TTC27: variants seen among roughly 807,000 people sequenced by gnomAD.
TTC27 encodes tetratricopeptide repeat domain 27.
Under a neutral mutation model 115.9 loss-of-function variants are expected in TTC27, and 79 were observed. That is an observed-to-expected ratio of 0.68 (90% CI 0.57 to 0.82). The LOEUF is 0.82. Among genes scored for constraint, TTC27 ranks in the 40% least tolerant of loss-of-function variants. TTC27 has a pLI of 0.00. For missense variants in TTC27, 1,054 were observed against 993.1 expected, an observed-to-expected ratio of 1.06 and a Z score of -0.82; for synonymous variants, 401 against 356.0, an observed-to-expected ratio of 1.13 and a Z score of -1.42.
intron 9 of TTC27, among the ~76,000 whole-genome samples, chr2:32,684,686 T>C (rs1176414228): frequency 2.0e-5 from 3 of 152,316 alleles, no homozygotes; most frequent in Middle Eastern, 3.4e-3. Context: ...TACCCATTTT[T>C]CTTCTAGGGA....
intron 10 of TTC27, among the ~76,000 whole-genome samples, chr2:32,707,966 A>C (rs1473359): frequency 0.24 from 36,960 of 151,904 alleles, 5,173 homozygotes; most frequent in Non-Finnish European, 0.31. Flanking sequence ...TTAACAACAA[A>C]AAAAAAAAGA....
chr2:32,662,356 T>C (rs553013677), intron 5 of TTC27, among the ~76,000 whole-genome samples: 390 of 152,302 alleles, frequency 2.6e-3, no homozygotes, highest in African/African-American at 9.2e-3. Context: ...CCAGCTCCTC[T>C]TTGTACCTCT....
At chr2:32,640,720 C>T (rs964095794) in intron 4 of TTC27, among the ~76,000 whole-genome samples, 3 of 152,110 alleles carry the variant, frequency 2.0e-5, no homozygotes, top group Middle Eastern at 3.2e-3. Flanking sequence ...TGGTGGCTCA[C>T]GTCTGTAATC....
intron 13 of TTC27, chr2:32,766,558 CA>C: frequency 1.0e-5 from 4 of 384,610 alleles, no homozygotes; most frequent in East Asian, 7.9e-5. Flanking sequence ...CAGTTAAGTT[CA>C]CTGTCCTATA....
rs375009280 is a variant in TTC27, at chr2:32,794,738, A to C, written c.1998+7589A>C. Among the ~76,000 whole-genome samples the C allele has an allele frequency of 4.8e-3, 728 of 152,300 alleles. 2 individuals carry two copies. Among genetic ancestry groups the C allele is most frequent in the Middle Eastern group, 0.01 (3 of 294 alleles). Reference sequence around the variant, plus strand: ...AGAGAAGATTCAGATTACTGAAATCAGAAATGAAAATGGGGGACATTACTA... The same window carrying C: ...AGAGAAGATTCAGATTACTGAAATCCGAAATGAAAATGGGGGACATTACTA... On this transcript the variant is annotated intron_variant, in intron 16 of 19. Coordinates refer to ENST00000317907, the MANE Select transcript of TTC27 (RefSeq NM_017735.5).
chr2:32,656,868 T>C (rs1185329648), intron 5 of TTC27, among the ~76,000 whole-genome samples: 1 of 152,214 alleles, frequency 6.6e-6, no homozygotes, highest in Non-Finnish European at 1.5e-5. Context: ...TAACTGCATA[T>C]TGAATCATTC....
At chr2:32,779,537 G>A (rs529784079) in intron 14 of TTC27, among the ~76,000 whole-genome samples, 1 of 150,960 alleles carries the variant, frequency 6.6e-6, no homozygotes, top group South Asian at 2.1e-4. Context: ...CTATATTCTA[G>A]CTACAAGTCC....
At chr2:32,792,603 A>T (rs1386706646) in intron 16 of TTC27, among the ~76,000 whole-genome samples, 1 of 152,138 alleles carries the variant, frequency 6.6e-6, no homozygotes, top group Non-Finnish European at 1.5e-5. Flanking sequence ...CAGGAAACAG[A>T]ACAAGTACTT....
chr2:32,672,214 C>A (rs1472654528), intron 7 of TTC27, 58 bp from the exon 8 acceptor site: 11 of 1,274,684 alleles, frequency 8.6e-6, no homozygotes, highest in Non-Finnish European at 1.3e-5. Context: ...ACATGCCATT[C>A]TGGTGAATGA....
At position 32,667,533 on chromosome 2, in the gene TTC27, C is replaced by T. The variant is rs149064174; in HGVS notation, c.939+765C>T. On this transcript the variant is annotated intron_variant, in intron 7 of 19. Coordinates refer to ENST00000317907, the MANE Select transcript of TTC27 (RefSeq NM_017735.5). ...CTGGGTTTAAGCGATTCTCCTGCCT[C>T]AGCCTCCCGAGTAGCTGGGATTACA... Among the ~76,000 whole-genome samples the T allele has an allele frequency of 1.6e-3, 241 of 151,080 alleles. 6 individuals carry two copies. In the East Asian group the frequency reaches 0.038, roughly 24 times the overall value.
intron 10 of TTC27, among the ~76,000 whole-genome samples, chr2:32,728,876 G>A (rs1668199494): frequency 1.3e-5 from 2 of 152,208 alleles, no homozygotes; most frequent in African/African-American, 4.8e-5. Context: ...AGATGGCAAT[G>A]AGCTTGACTA....
intron 10 of TTC27, among the ~76,000 whole-genome samples, chr2:32,703,182 A>G (rs1462420456): frequency 6.6e-6 from 1 of 152,140 alleles, no homozygotes; most frequent in Non-Finnish European, 1.5e-5. Flanking sequence ...TAATAACAGC[A>G]CTTAGGCTGG....
At chr2:32,753,076 C>G (rs6746224) in intron 12 of TTC27, among the ~76,000 whole-genome samples, 121,480 of 152,112 alleles carry the variant, frequency 0.8, 48,636 homozygotes, top group Middle Eastern at 0.91. Flanking sequence ...TCAGATGGTG[C>G]TGGGTCTCGG....
At chr2:32,632,162 CTTT>C (rs372312922) in intron 2 of TTC27, among the ~76,000 whole-genome samples, 2 of 126,080 alleles carry the variant, frequency 1.6e-5, no homozygotes, top group East Asian at 2.3e-4. Context: ...TGGTATCATT[CTTT>C]TTTTTTTTTT....
intron 8 of TTC27, 33 bp downstream of exon 8, chr2:32,672,417 A>G (rs1666045991): frequency 6.8e-7 from 1 of 1,470,738 alleles, no homozygotes; most frequent in African/African-American, 1.4e-5. Flanking sequence ...TGCTTTGAAC[A>G]CTTTGCATAT....
chr2:32,817,538 G>C lies in TTC27; in HGVS notation c.2390G>C (p.Gly797Ala), dbSNP rs764343684. The C allele has an allele frequency of 3.7e-6, 6 of 1,613,928 alleles. No individual in the cohort carries two copies. The East Asian group carries it at 1.3e-4, about 36-fold the overall frequency. ...TCTTCTGTTCGACTCAATTTACGGG[G>C]CTTGTTATCTAAAGCAAAGGTGAGA... ...MLSSVRLNLR[G>A]LLSKAKQLFT... The change falls in exon 19 of 20, where the codon GGC (glycine) becomes GCC (alanine). Residue 797 changes from glycine (G) to alanine (A), a missense_variant. Physicochemically the swap from Gly to Ala is moderately conservative, Grantham distance 60. Transcript: ENST00000317907.
Position 32,761,497 on chromosome 2 carries a change from T to A in TTC27, c.1680+2978T>A, listed in dbSNP as rs893267202. Among the ~76,000 whole-genome samples the A allele has an allele frequency of 7.9e-5, 12 of 152,280 alleles. 1 individual carries two copies. In the East Asian group the frequency reaches 1.9e-3, roughly 24 times the overall value. On this transcript the variant is annotated intron_variant, in intron 13 of 19. Coordinates refer to ENST00000317907, the MANE Select transcript of TTC27 (RefSeq NM_017735.5). ...CAGTCTCTTAATGGCTCTCAAGACT[T>A]TCCCCAGTATCTAGCTCCCGGCACT...
chr2:32,778,415 C>T (rs1055258607), intron 14 of TTC27, among the ~76,000 whole-genome samples: 10 of 152,002 alleles, frequency 6.6e-5, no homozygotes, highest in East Asian at 1.9e-4. Flanking sequence ...ATTGTGCAAC[C>T]GTCCACTACA....
chr2:32,780,240 A>G (rs1290238265), intron 14 of TTC27: 1 of 300,696 alleles, frequency 3.3e-6, no homozygotes, highest in Non-Finnish European at 7.1e-6. Context: ...CTGCAGGTGA[A>G]TAAGGGGAGT....
Sources: allele counts gnomAD v4.1 joint callset (sites outside exome capture counted in the v4.1 genomes callset), GRCh38; gene constraint gnomAD v4.1.1; transcripts MANE v1.5; gene names NCBI Gene and HGNC (gene_info 2026-07-23, HGNC 2026-07-21).